Variants in NUMB observed in about 807,000 individuals in gnomAD.
NUMB encodes the protein protein numb homolog.
In NUMB, 29 loss-of-function variants were observed where a neutral mutation model predicts 59.7. The observed-to-expected ratio is 0.49, with a 90% confidence interval of 0.36 to 0.66. The LOEUF is 0.66. Ranked by LOEUF, NUMB falls within the 30% of genes least tolerant of loss-of-function variation. NUMB has a pLI of 0.00. For missense variants in NUMB, 723 were observed against 822.0 expected, an observed-to-expected ratio of 0.88 and a Z score of 1.47; for synonymous variants, 288 against 288.2, an observed-to-expected ratio of 1.00 and a Z score of 0.01.
chr14:73,448,046 C>T (rs1883662035), intron 1 of NUMB, among the ~76,000 whole-genome samples: 1 of 152,172 alleles, frequency 6.6e-6, no homozygotes, highest in South Asian at 2.1e-4. Context: ...ATTCGCCTGC[C>T]TCGGCCTCCC....
At chr14:73,383,826 G>A (rs552724669) in intron 2 of NUMB, among the ~76,000 whole-genome samples, 6 of 152,130 alleles carry the variant, frequency 3.9e-5, no homozygotes, top group African/African-American at 1.4e-4. Context: ...GACCAGCCTG[G>A]CCAACATGGT....
Position 73,382,232 on chromosome 14 carries a change from C to T in NUMB, c.-100-15251G>A, listed in dbSNP as rs1353068027. Among the ~76,000 whole-genome samples, 3 of 152,242 alleles carry T rather than the reference C, an allele frequency of 2.0e-5. No homozygotes were observed. In the East Asian group the frequency reaches 5.8e-4, roughly 29 times the overall value. On this transcript the variant is annotated intron_variant, in intron 2 of 12. Coordinates refer to ENST00000555238, the MANE Select transcript of NUMB (RefSeq NM_001005743.2). The stretch of plus-strand genomic sequence containing the variant: ...CACGATCTTGGCTCACTGCAACCTC[C>T]GCCTCCTGGGTTCGAGTGATTCTCC...
chr14:73,451,164 A>C (rs1238751120), intron 1 of NUMB, among the ~76,000 whole-genome samples: 3 of 146,698 alleles, frequency 2.0e-5, no homozygotes, highest in African/African-American at 7.5e-5. Flanking sequence ...AAAAAAAAAA[A>C]AAAAAAAAAA....
In NUMB at chr14:73,292,740, C is replaced by G; in HGVS notation, c.444G>C (p.Lys148Asn). Residue 148 changes from lysine (K) to asparagine (N), a missense_variant, in exon 8 of 13, where the codon AAG becomes AAC. Physicochemically the swap from Lys to Asn is moderately conservative, Grantham distance 94. Transcript: ENST00000555238. ...ACATATTTGCTGGACTCACTGTGTC[C>G]TTGACAGCCATGAAGCAGTGACAGA... ...RWICHCFMAV[K>N]DTGERLSHAV... The G allele has an allele frequency of 6.2e-7, 1 of 1,614,138 alleles. No individual in the cohort carries two copies. Among genetic ancestry groups the G allele is most frequent in the South Asian group, 1.1e-5 (1 of 91,068 alleles).
chr14:73,354,943 T>G (rs901078794), intron 4 of NUMB, among the ~76,000 whole-genome samples: 1 of 152,160 alleles, frequency 6.6e-6, no homozygotes, highest in Non-Finnish European at 1.5e-5. Context: ...TAGTTCTATT[T>G]TTTTGCCCCC....
chr14:73,389,294 C>A (rs72736341), intron 2 of NUMB, among the ~76,000 whole-genome samples: 20,164 of 75,902 alleles, frequency 0.27, 2,710 homozygotes, highest in Non-Finnish European at 0.32. Flanking sequence ...AAAAAAAAAA[C>A]AAAAACAAAA....
chr14:73,384,742 G>GTTTA (rs1237250132), intron 2 of NUMB, among the ~76,000 whole-genome samples: 3 of 151,176 alleles, frequency 2.0e-5, no homozygotes, highest in African/African-American at 7.3e-5. Context: ...TTTTTTGTTT[G>GTTTA]TTTGTTTGTT....
intron 4 of NUMB, among the ~76,000 whole-genome samples, chr14:73,331,260 T>G (rs534562187): frequency 6.6e-6 from 1 of 152,288 alleles, no homozygotes; most frequent in East Asian, 1.9e-4. Flanking sequence ...GAAATTTGCT[T>G]CTAGACTGGG....
chr14:73,367,732 G>A (rs1327116114), intron 2 of NUMB, among the ~76,000 whole-genome samples: 3 of 140,224 alleles, frequency 2.1e-5, no homozygotes, highest in African/African-American at 2.7e-5. Context: ...CTGTGATCAC[G>A]CCACTGCACT....
rs561185333 is a variant in NUMB, at chr14:73,288,096, TAAAC to T, written c.451-786_451-783del. ...AAAGGTGCAAACTTAAAACTTCTGA[TAAAC>T]AAATATAATTCCAGTGATTAAAAAG... On this transcript the variant is annotated intron_variant, in intron 8 of 12. Coordinates refer to ENST00000555238, the MANE Select transcript of NUMB (RefSeq NM_001005743.2). 5.9e-5 allele frequency among the ~76,000 whole-genome samples: 9 copies of T among 152,290 alleles called. No individual in the cohort carries two copies. In the East Asian group the frequency reaches 1.3e-3, roughly 23 times the overall value.
intron 1 of NUMB, among the ~76,000 whole-genome samples, chr14:73,414,709 TGGGGGCGGGTGCGGG>T (rs1367900015): frequency 1.3e-5 from 2 of 150,396 alleles, no homozygotes; most frequent in Middle Eastern, 3.2e-3. Flanking sequence ...CCGGTTTTTC[TGGGGGCGGGTGCGGG>T]GGGGGCGGGT....
rs146706767 is a variant in NUMB at position 73,444,474 on chromosome 14, G to A, written c.-233+14019C>T. 1.1e-3 allele frequency among the ~76,000 whole-genome samples: 174 copies of A among 151,702 alleles called. 1 individual carries two copies. Among genetic ancestry groups the A allele is most frequent in the Non-Finnish European group, 1.8e-3 (124 of 67,954 alleles). ...AGCTGAATTTTCAGCATCCATTGAT[G>A]GAGAAAATAATCAAAACACAACCAA... On this transcript the variant is annotated intron_variant, in intron 1 of 12. Transcript: ENST00000555238.
chr14:73,363,529 T>C (rs1894187234), intron 3 of NUMB, among the ~76,000 whole-genome samples: 2 of 152,158 alleles, frequency 1.3e-5, no homozygotes, highest in Admixed American at 6.6e-5. Flanking sequence ...AATAAATCTT[T>C]TCAGGGGGAA....
At chr14:73,327,668 T>C (rs1891734959) in intron 4 of NUMB, among the ~76,000 whole-genome samples, 2 of 152,310 alleles carry the variant, frequency 1.3e-5, no homozygotes, top group Middle Eastern at 3.4e-3. Flanking sequence ...AAATCTAGTA[T>C]CTGCAATTTC....
intron 1 of NUMB, among the ~76,000 whole-genome samples, chr14:73,437,603 T>G (rs7158602): frequency 6.6e-6 from 1 of 152,202 alleles, no homozygotes; most frequent in Non-Finnish European, 1.5e-5. Flanking sequence ...TAAAAAAGAA[T>G]GTATTACTGA....
At chr14:73,428,694 G>T (rs1566793072) in intron 1 of NUMB, among the ~76,000 whole-genome samples, 1 of 152,110 alleles carries the variant, frequency 6.6e-6, no homozygotes, top group East Asian at 1.9e-4. Flanking sequence ...GGAGCCTGCG[G>T]CAGGAGTTCA....
intron 2 of NUMB, among the ~76,000 whole-genome samples, chr14:73,378,164 A>G (rs999241803): frequency 6.6e-6 from 1 of 152,194 alleles, no homozygotes; most frequent in Non-Finnish European, 1.5e-5. Context: ...AGAAATTATC[A>G]TATGTCATGA....
intron 7 of NUMB, among the ~76,000 whole-genome samples, chr14:73,296,377 G>A (rs918666684): frequency 2.6e-5 from 4 of 151,558 alleles, no homozygotes; most frequent in Admixed American, 1.3e-4. Flanking sequence ...GGAGGTGGAG[G>A]TTGCAGTGAG....
intron 4 of NUMB, among the ~76,000 whole-genome samples, chr14:73,332,553 G>A (rs183763209): frequency 5.9e-5 from 9 of 151,852 alleles, no homozygotes; most frequent in East Asian, 2.0e-4. Flanking sequence ...GAGCCACCAC[G>A]CCCAGCCTCA....
Sources: gnomAD v4.1 joint callset for allele counts (sites outside exome capture counted in the v4.1 genomes callset) on GRCh38, gnomAD v4.1.1 for gene constraint, MANE v1.5 for transcripts, NCBI Gene and HGNC (gene_info 2026-07-23, HGNC 2026-07-21) for gene names.